The following TNR variants were observed in gnomAD, a reference collection of about 807,000 sequenced individuals.
TNR encodes the protein tenascin-R.
In TNR, 45 loss-of-function variants were observed where a neutral mutation model predicts 150.4. The observed-to-expected ratio is 0.30, with a 90% CI of 0.24 to 0.38. The LOEUF (loss-of-function observed/expected upper bound fraction) is 0.38. TNR is among the 10% of genes least tolerant of loss of function. TNR has a pLI of 1.00. For synonymous variants in TNR, 687 were observed against 678.4 expected, an observed-to-expected ratio of 1.01 and a Z score of -0.20; for missense variants, 1,544 against 1,759.1, an observed-to-expected ratio of 0.88 and a Z score of 2.19.
At chr1:175,359,072 G>T (rs535847929) in intron 15 of TNR, among the ~76,000 whole-genome samples, 1 of 139,738 alleles carries the variant, frequency 7.2e-6, no homozygotes, top group Non-Finnish European at 1.5e-5. Context: ...TGCCTTTCTT[G>T]TACCTTTCAG....
chr1:175,452,046 G>A (rs1373055186), intron 2 of TNR, among the ~76,000 whole-genome samples: 1 of 152,308 alleles, frequency 6.6e-6, no homozygotes, highest in Admixed American at 6.5e-5. Flanking sequence ...GGCAACCAAC[G>A]CAGCAGCCAA....
intron 1 of TNR, among the ~76,000 whole-genome samples, chr1:175,685,061 C>A (rs1666148040): frequency 6.6e-6 from 1 of 152,124 alleles, no homozygotes. Flanking sequence ...AGATCTGACT[C>A]TTCATTCTCC....
intron 4 of TNR, 104 bp downstream of exon 4, chr1:175,403,036 A>T: frequency 1.0e-6 from 1 of 972,454 alleles, no homozygotes; most frequent in Non-Finnish European, 1.6e-6. Flanking sequence ...TATTTTGCCT[A>T]AACTTCACTT....
chr1:175,600,151 T>C (rs1017210459), intron 1 of TNR, among the ~76,000 whole-genome samples: 10 of 152,194 alleles, frequency 6.6e-5, no homozygotes, highest in Non-Finnish European at 1.5e-5. Flanking sequence ...TTAACTCCCT[T>C]GTGTGTCAGA....
intron 2 of TNR, among the ~76,000 whole-genome samples, chr1:175,464,513 G>A (rs907320525): frequency 1.3e-5 from 2 of 152,184 alleles, no homozygotes; most frequent in African/African-American, 2.4e-5. Flanking sequence ...TGGAAAAGAC[G>A]CACACCTCAG....
intron 1 of TNR, among the ~76,000 whole-genome samples, chr1:175,623,642 G>C (rs996198798): frequency 6.6e-6 from 1 of 152,178 alleles, no homozygotes; most frequent in African/African-American, 2.4e-5. Flanking sequence ...GGAACACCCT[G>C]TAGCCCGATA....
chr1:175,679,523 A>G lies in TNR; in HGVS notation c.-165+63703T>C, dbSNP rs1439682454. 2.6e-5 allele frequency among the ~76,000 whole-genome samples: 4 copies of G among 152,250 alleles called. No homozygotes were observed. In the East Asian group the frequency reaches 5.8e-4, roughly 22 times the overall value. ...AAAATGTCTAGTATGTGTCCACTCT[A>G]TTATGAGATGCTATCTGCCTAGCCA... On this transcript the variant is annotated intron_variant, in intron 1 of 22. Coordinates refer to ENST00000367674, the MANE Select transcript of TNR (RefSeq NM_003285.3).
chr1:175,647,304 A>G (rs555832383), intron 1 of TNR, among the ~76,000 whole-genome samples: 3 of 152,232 alleles, frequency 2.0e-5, no homozygotes, highest in African/African-American at 7.2e-5. Flanking sequence ...GTTCAAGTGT[A>G]TTTTCTTGGG....
In TNR at chr1:175,355,566, C is replaced by T; in HGVS notation, c.3186G>A (p.Gln1062=). 1 of 1,614,106 alleles carries T rather than the reference C, an allele frequency of 6.2e-7. No homozygotes were observed. The part of the protein sequence containing the change: ...VTRQSALISW[Q]PPRAEIENYV... ...AATTTTCAATCTCTGCCCTGGGAGG[C>T]TGCCAGGAGATCAGGGCACTTTGTC... The change falls in exon 17 of 23, where the codon CAG becomes CAA. Residue 1062 remains glutamine, a synonymous_variant. Transcript: ENST00000367674.
chr1:175,574,977 G>A (rs1380073857), intron 1 of TNR, among the ~76,000 whole-genome samples: 2 of 152,238 alleles, frequency 1.3e-5, no homozygotes, highest in African/African-American at 2.4e-5. Flanking sequence ...ATTCCTCATG[G>A]AATTTAGTAA....
intron 1 of TNR, among the ~76,000 whole-genome samples, chr1:175,582,386 A>C (rs563281436): frequency 1.3e-5 from 2 of 152,362 alleles, no homozygotes; most frequent in South Asian, 4.1e-4. Flanking sequence ...GGACTCAAGC[A>C]TAGAATTTAC....
At chr1:175,446,935 G>A (rs1233278057) in intron 2 of TNR, among the ~76,000 whole-genome samples, 1 of 152,144 alleles carries the variant, frequency 6.6e-6, no homozygotes, top group Non-Finnish European at 1.5e-5. Flanking sequence ...TTGTATGCAT[G>A]TGTGTTATAT....
At chr1:175,511,851 C>G (rs895926766) in intron 2 of TNR, among the ~76,000 whole-genome samples, 1 of 152,204 alleles carries the variant, frequency 6.6e-6, no homozygotes, top group Non-Finnish European at 1.5e-5. Context: ...TTGGAGCTCT[C>G]TCCTGGCATT....
At chr1:175,534,222 G>A (rs1035244399) in intron 1 of TNR, among the ~76,000 whole-genome samples, 1 of 152,184 alleles carries the variant, frequency 6.6e-6, no homozygotes. Flanking sequence ...GAGGGATGTT[G>A]AGGAAAGCAA....
At chr1:175,735,251 C>G (rs1021817781) in intron 1 of TNR, among the ~76,000 whole-genome samples, 1 of 152,214 alleles carries the variant, frequency 6.6e-6, no homozygotes, top group Non-Finnish European at 1.5e-5. Context: ...GCGCTGCCCT[C>G]TCCTCTGTCT....
At chr1:175,483,760 A>G (rs943799770) in intron 2 of TNR, among the ~76,000 whole-genome samples, 8 of 152,146 alleles carry the variant, frequency 5.3e-5, no homozygotes, top group Non-Finnish European at 1.0e-4. Context: ...GGGGGCTGGG[A>G]ACTACACGTT....
At chr1:175,564,374 C>T (rs1661552613) in intron 1 of TNR, among the ~76,000 whole-genome samples, 1 of 152,182 alleles carries the variant, frequency 6.6e-6, no homozygotes, top group Non-Finnish European at 1.5e-5. Flanking sequence ...TTCCTGGGGC[C>T]TTTTGTGGTT....
chr1:175,453,491 C>T (rs957442543), intron 2 of TNR, among the ~76,000 whole-genome samples: 13 of 152,008 alleles, frequency 8.6e-5, no homozygotes, highest in Non-Finnish European at 1.5e-4. Context: ...TGCAAAGGGC[C>T]ATGATGTGAG....
intron 2 of TNR, among the ~76,000 whole-genome samples, chr1:175,496,693 G>A (rs990179342): frequency 3.3e-5 from 5 of 152,122 alleles, no homozygotes; most frequent in East Asian, 1.9e-4. Flanking sequence ...CTGAGGCTCC[G>A]GGCTGAAAGG....
Sources: gnomAD v4.1 joint callset for allele counts (sites outside exome capture counted in the v4.1 genomes callset) on GRCh38, gnomAD v4.1.1 for gene constraint, MANE v1.5 for transcripts, NCBI Gene and HGNC (gene_info 2026-07-23, HGNC 2026-07-21) for gene names.